The following VBP1 variants were observed in gnomAD, a reference collection of about 807,000 sequenced individuals.
VBP1 encodes prefoldin subunit 3.
In VBP1, 4 loss-of-function variants were observed where a neutral mutation model predicts 15.5. The ratio of observed to expected loss-of-function variants is 0.26; its 90% confidence interval spans 0.13 to 0.59. The LOEUF is 0.59. VBP1 is among the 20% of genes least tolerant of loss of function. VBP1 has a pLI of 0.90. For synonymous variants in VBP1, 61 were observed against 52.1 expected (o/e 1.17, Z -0.74); for missense variants, 108 against 139.6 (o/e 0.77, Z 1.14).
At chrX:155,211,254 A>T (rs781941848) in intron 2 of VBP1, among the ~76,000 whole-genome samples, 1 of 111,976 alleles carries the variant, frequency 8.9e-6, no homozygotes, top group South Asian at 3.7e-4. Context: ...AACTAGATTT[A>T]TTATCTCCAG....
chrX:155,216,305 G>A (rs1454995752), upstream of VBP1: 7 of 999,845 alleles, frequency 7.0e-6, no homozygotes, highest in Non-Finnish European at 6.6e-6. Flanking sequence ...CAGCCAATCA[G>A]CACCTAGAGG....
chrX:155,214,424 C>T (rs186149775), upstream of VBP1, among the ~76,000 whole-genome samples: 52 of 111,950 alleles, frequency 4.6e-4, no homozygotes, highest in African/African-American at 1.6e-3. Context: ...TGCTATACAC[C>T]TTTTACATCA....
intron 1 of VBP1, among the ~76,000 whole-genome samples, chrX:155,197,454 G>T (rs2074582491): frequency 8.9e-6 from 1 of 112,143 alleles, no homozygotes; most frequent in Admixed American, 9.4e-5. Flanking sequence ...ACATATAGCA[G>T]AAAATGTTCT....
chrX:155,230,993 T>G (rs1279813874), intron 4 of VBP1, among the ~76,000 whole-genome samples: 2 of 112,287 alleles, frequency 1.8e-5, no homozygotes, highest in African/African-American at 6.5e-5. Flanking sequence ...GTTCTTCTCT[T>G]ACTTCCTCGC....
intron 1 of VBP1, among the ~76,000 whole-genome samples, chrX:155,197,779 C>T (rs1270849374): frequency 1.8e-5 from 2 of 112,256 alleles, no homozygotes; most frequent in African/African-American, 3.2e-5. Flanking sequence ...GTGCAGCGCA[C>T]TGTGCGCAAG....
chrX:155,202,104 TAAAA>T (rs2074606792), intron 1 of VBP1, among the ~76,000 whole-genome samples: 1 of 111,244 alleles, frequency 9.0e-6, no homozygotes, highest in Non-Finnish European at 1.9e-5. Flanking sequence ...CTCAATGAAA[TAAAA>T]GAGGATACAA....
chrX:155,227,278 C>A lies in VBP1; in HGVS notation c.262C>A (p.Leu88Ile). 1 of 1,174,058 alleles carries A rather than the reference C, an allele frequency of 8.5e-7. No homozygotes were observed. Among genetic ancestry groups the A allele is most frequent in the South Asian group, 1.9e-5 (1 of 51,508 alleles). Reference sequence around the variant, plus strand: ...TGAAATTAAACAGACTTTGGAAATTCTAAAATACATGCAGAAGAAAAAAGT... The same window carrying A: ...TGAAATTAAACAGACTTTGGAAATTATAAAATACATGCAGAAGAAAAAAGT... The part of the protein sequence containing the change: ...IPEIKQTLEI[L>I]KYMQKKKEST... Residue 88 changes from leucine (L) to isoleucine (I), a missense_variant, in exon 3 of 6, where the codon CTA (leucine) becomes ATA (isoleucine). Physicochemically the swap from Leu to Ile is conservative, Grantham distance 5. Transcript: ENST00000286428.
intron 2 of VBP1, among the ~76,000 whole-genome samples, chrX:155,222,603 G>A (rs1334614429): frequency 2.7e-5 from 3 of 111,766 alleles, no homozygotes; most frequent in Non-Finnish European, 5.6e-5. Flanking sequence ...ACAAAAAAAA[G>A]AAAAAAGTTA....
At chrX:155,235,670 A>G (rs2074768584) in intron 4 of VBP1, among the ~76,000 whole-genome samples, 1 of 112,474 alleles carries the variant, frequency 8.9e-6, no homozygotes, top group South Asian at 3.7e-4. Context: ...TACCTGGTCA[A>G]ATATAGATGA....
Position 155,239,058 on chromosome X carries a change from T to C in VBP1, c.*216T>C, listed in dbSNP as rs1346445352. On this transcript the variant is annotated 3_prime_UTR_variant, in exon 6 of 6. Transcript: ENST00000286428. ...TTTCTCAGCAAAGCTAATGGTATTTTAATCATTATTTTTGCCTGTCATAAG... is the reference window on the plus strand; with the variant it reads ...TTTCTCAGCAAAGCTAATGGTATTTCAATCATTATTTTTGCCTGTCATAAG... 1 of 291,348 alleles carries C rather than the reference T, an allele frequency of 3.4e-6. No individual in the cohort carries two copies. Among genetic ancestry groups the C allele is most frequent in the African/African-American group, 2.8e-5 (1 of 35,784 alleles). The allele number at this position is 291,348 out of a possible 1,213,427, so 24.0% of individuals were successfully genotyped here. A position where few individuals can be genotyped will look rare whatever the true frequency, so the allele number is the denominator to read the frequency against.
At chrX:155,199,365 C>T (rs36148511) in intron 1 of VBP1, among the ~76,000 whole-genome samples, 15 of 110,990 alleles carry the variant, frequency 1.4e-4, no homozygotes, top group South Asian at 3.8e-4. Context: ...AGAGAAAGGT[C>T]GGGTTACCCT....
intron 2 of VBP1, among the ~76,000 whole-genome samples, chrX:155,226,441 C>G (rs1359697887): frequency 2.7e-5 from 3 of 111,738 alleles, no homozygotes; most frequent in Non-Finnish European, 3.8e-5. Flanking sequence ...GTGTTTAAAT[C>G]AGTGATCCAT....
rs1557312020 is a variant in VBP1, at chrX:155,239,654, T to TA, written c.*818dup. 2 of 111,969 alleles carry TA rather than the reference T, an allele frequency of 1.8e-5. No homozygotes were observed. Among genetic ancestry groups the TA allele is most frequent in the South Asian group, 3.7e-4 (1 of 2,718 alleles). The allele number at this position is 111,969 out of a possible 1,213,427, so 9.2% of individuals were successfully genotyped here. A position where few individuals can be genotyped will look rare whatever the true frequency, so the allele number is the denominator to read the frequency against. On this transcript the variant is annotated 3_prime_UTR_variant, in exon 6 of 6. Coordinates refer to ENST00000286428, the MANE Select transcript of VBP1 (RefSeq NM_003372.7). The stretch of plus-strand genomic sequence containing the variant: ...ATGATAAAACCTTATAGGAATAGTA[T>TA]AAAAAATCCCTGTGGAAAGCTACTA...
At chrX:155,197,605 TTA>T (rs1454676011) in intron 1 of VBP1, among the ~76,000 whole-genome samples, 2 of 111,915 alleles carry the variant, frequency 1.8e-5, no homozygotes, top group East Asian at 5.6e-4. Context: ...TTTGAGTTTA[TTA>T]GAAAATTTTG....
rs182831193 is a variant in VBP1 at position 155,233,055 on chromosome X, T to C, written c.385-3174T>C. On this transcript the variant is annotated intron_variant, in intron 4 of 5. Coordinates refer to ENST00000286428, the MANE Select transcript of VBP1 (RefSeq NM_003372.7). ...CAAGGGTGATTTTCACAAACAAGGT[T>C]GAGTGAAAGAAACTGCATAGCAAAT... Among the ~76,000 whole-genome samples the C allele has an allele frequency of 6.9e-4, 77 of 112,079 alleles. 1 individual carries two copies. Among genetic ancestry groups the C allele is most frequent in the African/African-American group, 2.4e-3 (74 of 30,832 alleles).
At chrX:155,211,733 C>T (rs782042963), upstream of VBP1, among the ~76,000 whole-genome samples, 1 of 112,267 alleles carries the variant, frequency 8.9e-6, no homozygotes, top group Non-Finnish European at 1.9e-5. Flanking sequence ...TGAAGAATAG[C>T]CCTTCTTCCT....
At chrX:155,228,797 G>A (rs1330818745) in intron 4 of VBP1, among the ~76,000 whole-genome samples, 1 of 111,788 alleles carries the variant, frequency 8.9e-6, no homozygotes, top group Non-Finnish European at 1.9e-5. Context: ...AAATATAATG[G>A]AGGAAGAGCA....
chrX:155,234,109 G>GTTTTT (rs35367656), intron 4 of VBP1, among the ~76,000 whole-genome samples: 2 of 28,689 alleles, frequency 7.0e-5, no homozygotes, highest in African/African-American at 2.8e-4. Flanking sequence ...TTGTTCCTCT[G>GTTTTT]TTTTTTTTTT....
intron 1 of VBP1, among the ~76,000 whole-genome samples, chrX:155,207,222 A>C (rs1557308131): frequency 8.9e-6 from 1 of 111,904 alleles, no homozygotes; most frequent in East Asian, 2.8e-4. Context: ...CCCATTTCCC[A>C]GGGAGAGAAG....
Sources: allele counts gnomAD v4.1 joint callset (sites outside exome capture counted in the v4.1 genomes callset), GRCh38; gene constraint gnomAD v4.1.1; transcripts MANE v1.5; gene names NCBI Gene and HGNC (gene_info 2026-07-23, HGNC 2026-07-21).